Variants in EFCAB10 observed in about 807,000 individuals in gnomAD.
EFCAB10 encodes EF-hand calcium-binding domain-containing protein 10.
In EFCAB10, 7 loss-of-function variants were observed where a neutral mutation model predicts 7.7. The observed-to-expected ratio is 0.91, with a 90% CI of 0.52 to 1.72. The LOEUF (loss-of-function observed/expected upper bound fraction) is 1.72. Among genes scored for constraint, EFCAB10 ranks in the 40% most tolerant of loss-of-function variants. The pLI, the probability that EFCAB10 is intolerant of heterozygous loss-of-function variation, is 0.00. For missense variants in EFCAB10, 112 were observed against 61.5 expected, an observed-to-expected ratio of 1.82 and a Z score of -2.74; for synonymous variants, 52 against 21.0, an observed-to-expected ratio of 2.47 and a Z score of -4.03.
rs1331461384 is a variant in EFCAB10 at position 105,569,519 on chromosome 7, T to G, written c.159A>C (p.Lys53Asn). ...AGAAAGGAAACGCCACGCCTGTTAC[T>G]TTTGCAATTCTCAGTCGTTCCAATA... ...ISLLERLRIA[K>N]VTGVAFPFFM... The change falls in exon 2 of 5, where the codon AAA becomes AAC. Residue 53 changes from lysine to asparagine, a missense_variant. Physicochemically the swap from Lys to Asn is moderately conservative, Grantham distance 94. Coordinates refer to ENST00000480514, the MANE Select transcript of EFCAB10 (RefSeq NM_001355526.2). 1.4e-6 allele frequency: 1 copy of G among 702,872 alleles called. No homozygotes were observed. The highest frequency in any genetic ancestry group is 2.7e-5 in the East Asian group (1 of 37,280). The allele number at this position is 702,872 out of a possible 1,614,324, so 43.5% of individuals were successfully genotyped here.
At position 105,570,264 on chromosome 7, in the gene EFCAB10, T is replaced by TACAC. The variant is rs1395451305; in HGVS notation, c.107-694_107-693insGTGT. 9.4e-3 allele frequency among the ~76,000 whole-genome samples: 815 copies of TACAC among 86,408 alleles called. 3 individuals are homozygous for TACAC. The highest frequency in any genetic ancestry group is 0.012 in the African/African-American group (277 of 22,690). The allele number at this position is 86,408 out of a possible 152,430, so 56.7% of individuals were successfully genotyped here. A position where few individuals can be genotyped will look rare whatever the true frequency, so the allele number is the denominator to read the frequency against. ...AAATATATATATATATATATATATA[T>TACAC]ATATACACACACACACACATACATA... On this transcript the variant is annotated intron_variant, in intron 1 of 4. Coordinates refer to ENST00000480514, the MANE Select transcript of EFCAB10 (RefSeq NM_001355526.2).
At chr7:105,574,575 C>T (rs1170976397) in intron 1 of EFCAB10, among the ~76,000 whole-genome samples, 1 of 151,968 alleles carries the variant, frequency 6.6e-6, no homozygotes, top group African/African-American at 2.4e-5. Context: ...AGCTCTACCT[C>T]CCAGGTTCAT....
intron 4 of EFCAB10, chr7:105,565,696 G>A: frequency 8.0e-6 from 10 of 1,254,144 alleles, no homozygotes; most frequent in Non-Finnish European, 1.2e-5. Context: ...AATTGTTACA[G>A]GAGGCTAACT....
intron 1 of EFCAB10, chr7:105,573,435 A>C (rs1291518185): frequency 6.6e-6 from 1 of 152,242 alleles, no homozygotes; most frequent in Non-Finnish European, 1.5e-5. Flanking sequence ...ATGAAAATCC[A>C]AACCAGGCTT....
intron 3 of EFCAB10, 33 bp downstream of exon 3, chr7:105,569,170 A>T (rs1791872129): frequency 2.9e-6 from 2 of 698,544 alleles, no homozygotes; most frequent in African/African-American, 3.5e-5. Flanking sequence ...ATGCCACCTT[A>T]TTAAAATATT....
At chr7:105,579,398 G>GA (rs1792167762) in intron 1 of EFCAB10, among the ~76,000 whole-genome samples, 1 of 152,120 alleles carries the variant, frequency 6.6e-6, no homozygotes, top group African/African-American at 2.4e-5. Context: ...CCCAATGAAT[G>GA]CAAATGTAAT....
Position 105,565,363 on chromosome 7 carries a change from A to G in EFCAB10, c.*84T>C, listed in dbSNP as rs200970042. The G allele has an allele frequency of 6.1e-5, 99 of 1,614,220 alleles. No individual in the cohort carries two copies. Among genetic ancestry groups the G allele is most frequent in the Non-Finnish European group, 8.1e-5 (96 of 1,180,038 alleles). On this transcript the variant is annotated 3_prime_UTR_variant, in exon 5 of 5. Coordinates refer to ENST00000480514, the MANE Select transcript of EFCAB10 (RefSeq NM_001355526.2). ...CCGTTGCTGCTGACGTTACGAGACC[A>G]TTTACTTCAGTTGGAGCAGCAGCTT...
chr7:105,575,306 C>G (rs1272824843), intron 1 of EFCAB10, among the ~76,000 whole-genome samples: 1 of 151,966 alleles, frequency 6.6e-6, no homozygotes, highest in African/African-American at 2.4e-5. Context: ...TATATATACA[C>G]ATACATATAT....
rs1222935931 is a variant in EFCAB10 at position 105,569,515 on chromosome 7, T to C, written c.163A>G (p.Thr55Ala). 5.7e-6 allele frequency: 4 copies of C among 702,746 alleles called. No individual in the cohort carries two copies. The highest frequency in any genetic ancestry group is 3.0e-5 in the South Asian group (2 of 67,528). The allele number at this position is 702,746 out of a possible 1,614,324, so 43.5% of individuals were successfully genotyped here. A position where few individuals can be genotyped will look rare whatever the true frequency, so the allele number is the denominator to read the frequency against. The change falls in exon 2 of 5, where the codon ACA becomes GCA. Residue 55 changes from threonine to alanine, a missense_variant. Coordinates refer to ENST00000480514, the MANE Select transcript of EFCAB10 (RefSeq NM_001355526.2). Reference protein sequence around the residue: ...LLERLRIAKVTGVAFPFFMDN... With the variant: ...LLERLRIAKVAGVAFPFFMDN... ...ATAAAGAAAGGAAACGCCACGCCTG[T>C]TACTTTTGCAATTCTCAGTCGTTCC...
chr7:105,568,025 G>C (rs1467768257), intron 3 of EFCAB10, among the ~76,000 whole-genome samples: 1 of 152,148 alleles, frequency 6.6e-6, no homozygotes, highest in Non-Finnish European at 1.5e-5. Context: ...TTGTGAGATG[G>C]TGAATAAGAT....
intron 1 of EFCAB10, among the ~76,000 whole-genome samples, chr7:105,578,759 T>C (rs1792148721): frequency 6.6e-6 from 1 of 152,166 alleles, no homozygotes; most frequent in African/African-American, 2.4e-5. Flanking sequence ...ATGTTCCAAG[T>C]TAAAATTGTG....
chr7:105,566,432 A>C (rs887703201), intron 4 of EFCAB10: 1 of 152,196 alleles, frequency 6.6e-6, no homozygotes, highest in African/African-American at 2.4e-5. Flanking sequence ...CAGAGGTGGG[A>C]GAATTGCTTG....
chr7:105,576,205 A>G (rs1411745052), intron 1 of EFCAB10, among the ~76,000 whole-genome samples: 2 of 152,200 alleles, frequency 1.3e-5, no homozygotes, highest in African/African-American at 4.8e-5. Context: ...ACGACTTCAA[A>G]GAAACTTCTT....
intron 1 of EFCAB10, among the ~76,000 whole-genome samples, chr7:105,580,624 A>G (rs1792200768): frequency 6.6e-6 from 1 of 151,716 alleles, no homozygotes; most frequent in South Asian, 2.1e-4. Context: ...CCTATACATG[A>G]TATTGGTTGG....
chr7:105,576,442 C>CATT (rs147143192), intron 1 of EFCAB10, among the ~76,000 whole-genome samples: 7,882 of 151,828 alleles, frequency 0.052, 693 homozygotes, highest in African/African-American at 0.18. Flanking sequence ...GAATTCTCAT[C>CATT]ATCATTATTA....
chr7:105,572,221 T>TCA (rs1447884915), intron 1 of EFCAB10: 1 of 152,202 alleles, frequency 6.6e-6, no homozygotes. Context: ...CCCCTGCCTT[T>TCA]CAGCTCTTGA....
rs1213747679 is a variant in EFCAB10 at position 105,574,775 on chromosome 7, G to A, written c.107-5204C>T. ...TGGGTTTACAAGCGTGAGCCACTGT[G>A]CCCAGCCAGAAACTCCTGTTTTTAA... On this transcript the variant is annotated intron_variant, in intron 1 of 4. Transcript: ENST00000480514. Among the ~76,000 whole-genome samples, 4 of 151,922 alleles carry A rather than the reference G, an allele frequency of 2.6e-5. No homozygotes were observed. In the South Asian group the frequency reaches 8.3e-4, roughly 32 times the overall value.
intron 1 of EFCAB10, chr7:105,571,659 G>A (rs1192537975): frequency 1.3e-5 from 2 of 152,144 alleles, no homozygotes; most frequent in Non-Finnish European, 2.9e-5. Context: ...CAAAGCTTTA[G>A]TTAAAAAAAG....
intron 1 of EFCAB10, among the ~76,000 whole-genome samples, chr7:105,579,892 A>G (rs565790426): frequency 1.3e-5 from 2 of 152,338 alleles, no homozygotes; most frequent in South Asian, 4.1e-4. Flanking sequence ...CATCCACTTC[A>G]ATAAAAATGA....
Sources: allele counts gnomAD v4.1 joint callset (sites outside exome capture counted in the v4.1 genomes callset), GRCh38; gene constraint gnomAD v4.1.1; transcripts MANE v1.5; gene names NCBI Gene and HGNC (gene_info 2026-07-23, HGNC 2026-07-21).